HDAC8: variants seen among roughly 807,000 people sequenced by gnomAD.
The protein encoded by HDAC8 is histone deacetylase-like 1.
HDAC8 carries 1 observed loss-of-function variant against 32.2 expected under a neutral mutation model. The ratio of observed to expected loss-of-function variants is 0.03; its 90% confidence interval spans 0.01 to 0.15. HDAC8 has a LOEUF of 0.15. Among genes scored for constraint, HDAC8 ranks in the 10% least tolerant of loss-of-function variants. HDAC8 has a pLI of 1.00. For missense variants in HDAC8, 117 were observed against 300.0 expected (o/e 0.39, Z 4.51); for synonymous variants, 108 against 113.9 (o/e 0.95, Z 0.33).
At chrX:72,562,827 T>C (rs1316465512) in intron 4 of HDAC8, among the ~76,000 whole-genome samples, 2 of 110,955 alleles carry the variant, frequency 1.8e-5, no homozygotes, top group Non-Finnish European at 3.8e-5. Flanking sequence ...TTTCTTCATA[T>C]GTTTTACAAA....
chrX:72,567,815 T>C (rs782510767), intron 4 of HDAC8, 74 bp downstream of exon 4: 7 of 1,210,743 alleles, frequency 5.8e-6, no homozygotes, highest in Non-Finnish European at 7.8e-6. Flanking sequence ...GTCAATACAA[T>C]AAGCATAAGA....
chrX:72,513,593 G>T (rs1556023101), intron 4 of HDAC8, among the ~76,000 whole-genome samples: 1 of 111,037 alleles, frequency 9.0e-6, no homozygotes, highest in Non-Finnish European at 1.9e-5. Flanking sequence ...CTCCCAAAAT[G>T]CTGGGATTAC....
At chrX:72,337,537 T>C (rs1028272030) in intron 10 of HDAC8, among the ~76,000 whole-genome samples, 1 of 110,906 alleles carries the variant, frequency 9.0e-6, no homozygotes, top group African/African-American at 3.3e-5. Flanking sequence ...ACCTCCAAAA[T>C]AGATTCCAAA....
chrX:72,557,943 G>A (rs781813772), intron 4 of HDAC8, among the ~76,000 whole-genome samples: 80 of 111,741 alleles, frequency 7.2e-4, no homozygotes, highest in Non-Finnish European at 5.8e-4. Flanking sequence ...ATTATTCAAT[G>A]CTACTAAGAA....
intron 7 of HDAC8, among the ~76,000 whole-genome samples, chrX:72,472,384 A>G (rs997196184): frequency 8.9e-6 from 1 of 111,808 alleles, no homozygotes; most frequent in Non-Finnish European, 1.9e-5. Context: ...ATTCTTTTGT[A>G]TATTGATACA....
At chrX:72,335,222 A>T (rs1262081584) in intron 10 of HDAC8, among the ~76,000 whole-genome samples, 11 of 112,038 alleles carry the variant, frequency 9.8e-5, no homozygotes, top group African/African-American at 3.6e-4. Flanking sequence ...TTACGTTAAG[A>T]TTCGCTTTTG....
At chrX:72,430,060 T>C (rs1330988444) in intron 9 of HDAC8, among the ~76,000 whole-genome samples, 3 of 112,573 alleles carry the variant, frequency 2.7e-5, no homozygotes, top group African/African-American at 6.4e-5. Context: ...TCAAGAAAAA[T>C]TGTATACAGA....
chrX:72,439,832 T>C (rs1262243365), intron 9 of HDAC8, among the ~76,000 whole-genome samples: 2 of 111,025 alleles, frequency 1.8e-5, no homozygotes, highest in Non-Finnish European at 3.8e-5. Flanking sequence ...AGCAAGTTCT[T>C]AGAGACCTAA....
chrX:72,438,803 A>G (rs2041967955), intron 9 of HDAC8, among the ~76,000 whole-genome samples: 1 of 111,881 alleles, frequency 8.9e-6, no homozygotes, highest in African/African-American at 3.3e-5. Context: ...TCCAAGAAAT[A>G]AAGGACTATG....
intron 4 of HDAC8, among the ~76,000 whole-genome samples, chrX:72,509,090 T>C (rs1451880330): frequency 9.2e-6 from 1 of 108,505 alleles, no homozygotes; most frequent in Non-Finnish European, 1.9e-5. Context: ...TAACATAAGA[T>C]CTACCCTCTT....
chrX:72,358,686 C>T (rs782390166), intron 9 of HDAC8, among the ~76,000 whole-genome samples: 20 of 112,150 alleles, frequency 1.8e-4, no homozygotes, highest in Admixed American at 1.5e-3. Flanking sequence ...AAGAAAAGGG[C>T]GGTTAAGAAG....
intron 4 of HDAC8, among the ~76,000 whole-genome samples, chrX:72,512,555 A>T (rs1216159861): frequency 2.7e-5 from 3 of 111,774 alleles, no homozygotes; most frequent in Non-Finnish European, 5.6e-5. Flanking sequence ...AGGACTTATG[A>T]TCTCATGTAG....
At chrX:72,554,992 C>CCATAAAA in intron 4 of HDAC8, among the ~76,000 whole-genome samples, 1 of 111,915 alleles carries the variant, frequency 8.9e-6, no homozygotes, top group African/African-American at 3.3e-5. Flanking sequence ...TTAAGAAAAA[C>CCATAAAA]ACAACTAAGG....
intron 4 of HDAC8, among the ~76,000 whole-genome samples, chrX:72,527,056 T>C (rs1452350067): frequency 2.7e-5 from 3 of 111,532 alleles, no homozygotes; most frequent in Non-Finnish European, 5.6e-5. Flanking sequence ...CCACTGCCTT[T>C]AGGATAAAGT....
At chrX:72,466,140 G>A (rs1386321740) in intron 7 of HDAC8, among the ~76,000 whole-genome samples, 2 of 111,570 alleles carry the variant, frequency 1.8e-5, no homozygotes, top group African/African-American at 6.5e-5. Context: ...GCTGCTGGGA[G>A]ATACAGAGGA....
chrX:72,482,879 A>C (rs781963083), intron 7 of HDAC8, among the ~76,000 whole-genome samples: 2 of 111,872 alleles, frequency 1.8e-5, no homozygotes, highest in East Asian at 5.6e-4. Context: ...TAAAATGGCA[A>C]TACTAATAGC....
At chrX:72,434,509 A>G (rs1357894490) in intron 9 of HDAC8, among the ~76,000 whole-genome samples, 1 of 111,397 alleles carries the variant, frequency 9.0e-6, no homozygotes, top group East Asian at 2.8e-4. Context: ...ACCTTCATTC[A>G]TATATGATAA....
At chrX:72,414,564 A>C (rs782013288) in intron 9 of HDAC8, among the ~76,000 whole-genome samples, 13 of 112,641 alleles carry the variant, frequency 1.2e-4, no homozygotes, top group African/African-American at 4.2e-4. Flanking sequence ...AGAAAGTTGC[A>C]ATCTAATCAG....
At chrX:72,519,657 A>G (rs1233788669) in intron 4 of HDAC8, among the ~76,000 whole-genome samples, 7 of 111,640 alleles carry the variant, frequency 6.3e-5, no homozygotes, top group African/African-American at 2.3e-4. Context: ...TGGCACGAAC[A>G]TGGCTTACTG....
Sources: gnomAD v4.1 joint callset for allele counts (sites outside exome capture counted in the v4.1 genomes callset) on GRCh38, gnomAD v4.1.1 for gene constraint, MANE v1.5 for transcripts, NCBI Gene and HGNC (gene_info 2026-07-23, HGNC 2026-07-21) for gene names.